UTRN: variants seen among roughly 807,000 people sequenced by gnomAD.
UTRN encodes the protein utrophin.
Under a neutral mutation model 463.9 loss-of-function variants are expected in UTRN, and 283 were observed. That is an observed-to-expected ratio of 0.61 (90% CI 0.55 to 0.67). UTRN has a LOEUF of 0.67. Among genes scored for constraint, UTRN ranks in the 30% least tolerant of loss-of-function variants. UTRN has a pLI of 0.00. For missense variants in UTRN, 3,922 were observed against 4,084.3 expected (o/e 0.96, Z 1.08); for synonymous variants, 1,442 against 1,431.5 (o/e 1.01, Z -0.17).
intron 2 of UTRN, among the ~76,000 whole-genome samples, chr6:144,349,158 G>A (rs1047560934): frequency 1.3e-5 from 2 of 152,076 alleles, no homozygotes; most frequent in Non-Finnish European, 2.9e-5. Flanking sequence ...ACAGGCGCCC[G>A]CCATCACGCC....
intron 53 of UTRN, among the ~76,000 whole-genome samples, chr6:144,703,153 G>T (rs1453922956): frequency 6.6e-6 from 1 of 152,176 alleles, no homozygotes; most frequent in Non-Finnish European, 1.5e-5. Context: ...TGATGGATTA[G>T]ATGTGTGGAA....
At chr6:144,543,886 AT>A (rs1391829613) in intron 46 of UTRN, among the ~76,000 whole-genome samples, 2 of 152,014 alleles carry the variant, frequency 1.3e-5, no homozygotes, top group Non-Finnish European at 2.9e-5. Flanking sequence ...ATTTCTGGAA[AT>A]TTGCACAAAA....
chr6:144,457,035 C>A (rs1451481670), intron 19 of UTRN, among the ~76,000 whole-genome samples: 1 of 152,174 alleles, frequency 6.6e-6, no homozygotes. Context: ...TGCCTTTTGA[C>A]TAGTCACCTT....
intron 73 of UTRN, among the ~76,000 whole-genome samples, chr6:144,846,135 C>A (rs112917616): frequency 6.6e-6 from 1 of 152,158 alleles, no homozygotes; most frequent in African/African-American, 2.4e-5. Flanking sequence ...AGTGGCTGCC[C>A]TTGCAAAGCC....
intron 62 of UTRN, among the ~76,000 whole-genome samples, chr6:144,789,750 T>C (rs1367980285): frequency 1.3e-5 from 2 of 152,196 alleles, no homozygotes; most frequent in African/African-American, 4.8e-5. Context: ...AAAGATGAAC[T>C]AGAACCTTTA....
At chr6:144,618,412 C>T (rs1480069500) in intron 51 of UTRN, among the ~76,000 whole-genome samples, 2 of 152,084 alleles carry the variant, frequency 1.3e-5, no homozygotes, top group African/African-American at 4.8e-5. Context: ...GAATATTTTG[C>T]CACAAACCAG....
intron 2 of UTRN, among the ~76,000 whole-genome samples, chr6:144,369,642 T>A (rs183169200): frequency 6.6e-6 from 1 of 152,118 alleles, no homozygotes; most frequent in East Asian, 1.9e-4. Flanking sequence ...AGAAAACAAA[T>A]TACACCCTAC....
chr6:144,740,055 A>G (rs1410551339), intron 54 of UTRN, among the ~76,000 whole-genome samples: 1 of 152,174 alleles, frequency 6.6e-6, no homozygotes, highest in African/African-American at 2.4e-5. Context: ...TAATTCCTTG[A>G]AGGGTGAATA....
At chr6:144,396,363 A>G (rs530337037) in intron 2 of UTRN, among the ~76,000 whole-genome samples, 2 of 152,316 alleles carry the variant, frequency 1.3e-5, no homozygotes, top group Non-Finnish European at 2.9e-5. Flanking sequence ...AGCTATTACC[A>G]GGGGCTGGTG....
At chr6:144,451,251 G>A (rs2128557169) in intron 17 of UTRN, 119 bp from the exon 18 acceptor site, 1 of 1,225,284 alleles carries the variant, frequency 8.2e-7, no homozygotes. Flanking sequence ...CTGGGTTGCT[G>A]TTTTTGGGGG....
At chr6:144,323,817 C>A (rs903766804) in intron 2 of UTRN, among the ~76,000 whole-genome samples, 1 of 152,186 alleles carries the variant, frequency 6.6e-6, no homozygotes, top group Non-Finnish European at 1.5e-5. Context: ...CGAAAGCTTG[C>A]AATTTTATGA....
At chr6:144,830,689 T>G (rs1326420828) in intron 69 of UTRN, among the ~76,000 whole-genome samples, 2 of 151,586 alleles carry the variant, frequency 1.3e-5, no homozygotes, top group African/African-American at 4.8e-5. Flanking sequence ...GAAAACATTA[T>G]AAGATTTGTC....
intron 2 of UTRN, chr6:144,397,960 C>G (rs774483741): frequency 5.1e-6 from 1 of 197,212 alleles, no homozygotes; most frequent in Non-Finnish European, 1.1e-5. Context: ...ATTTCCACCT[C>G]TCCTTGCCTT....
chr6:144,738,196 C>A (rs1789654032), intron 54 of UTRN, among the ~76,000 whole-genome samples: 1 of 152,200 alleles, frequency 6.6e-6, no homozygotes, highest in Non-Finnish European at 1.5e-5. Context: ...CCCCTAACTT[C>A]CTAGCTCCTC....
At chr6:144,384,099 CCATTTGAAATGTACATACAT>C (rs1323700935) in intron 2 of UTRN, among the ~76,000 whole-genome samples, 1 of 151,950 alleles carries the variant, frequency 6.6e-6, no homozygotes, top group African/African-American at 2.4e-5. Context: ...ATTATTTTAG[CCATTTGAAATGTACATACAT>C]CTTGTTATAT....
intron 65 of UTRN, among the ~76,000 whole-genome samples, chr6:144,814,521 T>C (rs897714876): frequency 6.6e-6 from 1 of 152,192 alleles, no homozygotes; most frequent in Non-Finnish European, 1.5e-5. Flanking sequence ...CTCATTTTGT[T>C]ATAAAAGTTT....
intron 65 of UTRN, among the ~76,000 whole-genome samples, chr6:144,811,395 G>A (rs551827452): frequency 3.9e-5 from 6 of 152,166 alleles, no homozygotes; most frequent in African/African-American, 9.6e-5. Context: ...GCAGCATCAC[G>A]GCTGTTTCTC....
At chr6:144,662,725 G>A (rs1779997345) in intron 51 of UTRN, among the ~76,000 whole-genome samples, 1 of 152,192 alleles carries the variant, frequency 6.6e-6, no homozygotes, top group South Asian at 2.1e-4. Flanking sequence ...TGAGCAGCAG[G>A]CCTTCCAATG....
intron 2 of UTRN, among the ~76,000 whole-genome samples, chr6:144,305,340 T>C (rs565812041): frequency 1.3e-5 from 2 of 152,342 alleles, no homozygotes; most frequent in South Asian, 2.1e-4. Flanking sequence ...TATAAATATA[T>C]AGCAAAATAC....
Sources: gnomAD v4.1 joint callset for allele counts (sites outside exome capture counted in the v4.1 genomes callset) on GRCh38, gnomAD v4.1.1 for gene constraint, MANE v1.5 for transcripts, NCBI Gene and HGNC (gene_info 2026-07-23, HGNC 2026-07-21) for gene names.